Variants in PRRC2B observed in about 807,000 individuals in gnomAD.
PRRC2B encodes the protein protein PRRC2B.
In PRRC2B, 68 loss-of-function variants were observed where a neutral mutation model predicts 242.3. The observed-to-expected ratio is 0.28, with a 90% CI of 0.23 to 0.34. PRRC2B has a LOEUF of 0.34. Ranked by LOEUF, PRRC2B falls within the 10% of genes least tolerant of loss-of-function variation. PRRC2B has a pLI of 1.00. For synonymous variants in PRRC2B, 1,228 were observed against 1,173.6 expected (o/e 1.05, Z -0.95); for missense variants, 2,835 against 2,954.8 (o/e 0.96, Z 0.94).
At chr9:131,385,392 C>T (rs1438054765) in intron 1 of PRRC2B, among the ~76,000 whole-genome samples, 1 of 149,814 alleles carries the variant, frequency 6.7e-6, no homozygotes, top group Non-Finnish European at 1.5e-5. Context: ...TGGGAAATCC[C>T]ACCCAGGAGC....
In PRRC2B at chr9:131,475,416, C is replaced by T. The variant is rs1213103637; in HGVS notation, c.3287C>T (p.Ala1096Val). 1.0e-5 allele frequency: 16 copies of T among 1,576,482 alleles called. No individual in the cohort carries two copies. The highest frequency in any genetic ancestry group is 1.3e-5 in the Non-Finnish European group (15 of 1,162,712). ...SGLCGGGVLG[A>V]RSIYCSSQRS... is the part of the protein sequence containing the mutation. ...CTCTGTGGTGGGGGGGTCCTGGGGGCCCGCAGCATCTACTGCAGCAGTCAG... is the reference window on the plus strand; with the variant it reads ...CTCTGTGGTGGGGGGGTCCTGGGGGTCCGCAGCATCTACTGCAGCAGTCAG... Residue 1096 changes from alanine (A) to valine (V), a missense_variant, in exon 16 of 32, where the codon GCC (alanine) becomes GTC (valine). Ala to Val is a moderately conservative substitution (Grantham distance 64). This residue lies in a region of PRRC2B where 1,536 missense variants were observed against 1,483.1 expected (regional missense o/e 1.04). Transcript: ENST00000683519.
chr9:131,428,039 A>C (rs190765807), intron 1 of PRRC2B, among the ~76,000 whole-genome samples: 20 of 152,212 alleles, frequency 1.3e-4, no homozygotes, highest in African/African-American at 4.6e-4. Context: ...CTTCTGCCTC[A>C]GCCTCCTGAG....
In PRRC2B at chr9:131,436,788, G is replaced by A. The variant is rs1588250064; in HGVS notation, c.396+66G>A. ...GTAGCCCCTAAATCTCTTTGTTGCT[G>A]GGGGATGGAAGGAGTTGCTACTGAG... On this transcript the variant is annotated intron_variant, in intron 4 of 31. Transcript: ENST00000683519. 38 of 1,344,190 alleles carry A rather than the reference G, an allele frequency of 2.8e-5. No homozygotes were observed. In the East Asian group the frequency reaches 8.8e-4, roughly 31 times the overall value. 83.3% of individuals were successfully genotyped at this position (1,344,190 alleles called of 1,614,324 possible). A position where few individuals can be genotyped will look rare whatever the true frequency, so the allele number is the denominator to read the frequency against.
chr9:131,431,829 G>A (rs939110014), intron 2 of PRRC2B, among the ~76,000 whole-genome samples: 1 of 147,330 alleles, frequency 6.8e-6, no homozygotes, highest in Non-Finnish European at 1.5e-5. Flanking sequence ...CTCGTGATCC[G>A]CCCGCCTCGG....
intron 1 of PRRC2B, among the ~76,000 whole-genome samples, chr9:131,421,546 G>A (rs76353126): frequency 0.13 from 19,277 of 152,180 alleles, 1,309 homozygotes; most frequent in African/African-American, 0.15. Flanking sequence ...TCTAGCAGTG[G>A]GATCTTTCCG....
Position 131,478,707 on chromosome 9 carries a change from T to G in PRRC2B, c.4758+88T>G, listed in dbSNP as rs1236719137. 3 of 905,586 alleles carry G rather than the reference T, an allele frequency of 3.3e-6. No individual in the cohort carries two copies. In the Admixed American group the frequency reaches 7.4e-5, roughly 22 times the overall value. 56.1% of individuals were successfully genotyped at this position (905,586 alleles called of 1,614,324 possible). ...CCAGAGCCAGAGGGTAAGGGAGTTC[T>G]CGGTCAAGCTCAAGGTGGCAGAGAG... On this transcript the variant is annotated intron_variant, in intron 18 of 31. Transcript: ENST00000683519.
chr9:131,492,981 G>A (rs72772642), intron 30 of PRRC2B, among the ~76,000 whole-genome samples: 1,527 of 152,312 alleles, frequency 0.01, 24 homozygotes, highest in Non-Finnish European at 0.013. Flanking sequence ...GAGTGAAACA[G>A]ACCTGCCTGA....
In PRRC2B at chr9:131,412,903, C is replaced by T. The variant is rs150459124; in HGVS notation, c.-51-17191C>T. Among the ~76,000 whole-genome samples the T allele has an allele frequency of 5.0e-3, 764 of 151,478 alleles. 3 individuals carry two copies. Among genetic ancestry groups the T allele is most frequent in the African/African-American group, 0.018 (725 of 41,232 alleles). On this transcript the variant is annotated intron_variant, in intron 1 of 31. Transcript: ENST00000683519. ...AAAACTCCTGGGCTCAGGAGATCCT[C>T]CAGCCTCAGCCTCCCGAGTAGCTGG...
intron 1 of PRRC2B, among the ~76,000 whole-genome samples, chr9:131,396,325 C>CTTTTTTTTT (rs1165485887): frequency 4.5e-5 from 6 of 132,944 alleles, no homozygotes; most frequent in African/African-American, 1.2e-4. Context: ...CTTTTCTTTT[C>CTTTTTTTTT]TTTTTTTTTT....
rs375476024 is a variant in PRRC2B, at chr9:131,479,412, A to G, written c.4900+19A>G. The stretch of plus-strand genomic sequence containing the variant: ...AGCCAGGGTGAGAGTTGGGGGTGTG[A>G]CCCCAGCTGTGGCACCCAAGGTCAC... On this transcript the variant is annotated intron_variant, in intron 19 of 31. Transcript: ENST00000683519. 6.2e-6 allele frequency: 10 copies of G among 1,609,350 alleles called. No homozygotes were observed. Among genetic ancestry groups the G allele is most frequent in the Non-Finnish European group, 7.6e-6 (9 of 1,178,082 alleles).
upstream of PRRC2B, among the ~76,000 whole-genome samples, chr9:131,393,161 G>A (rs59460505): frequency 0.1 from 15,366 of 152,108 alleles, 995 homozygotes; most frequent in African/African-American, 0.18. Context: ...TCTCACCTGT[G>A]AATTAGAACA....
intron 1 of PRRC2B, among the ~76,000 whole-genome samples, chr9:131,396,036 C>T (rs1429933051): frequency 1.3e-5 from 2 of 152,188 alleles, no homozygotes; most frequent in African/African-American, 4.8e-5. Context: ...GATTCTGGTC[C>T]TCATCGGGTT....
chr9:131,393,061 C>A (rs1201278598), upstream of PRRC2B, among the ~76,000 whole-genome samples: 1 of 152,144 alleles, frequency 6.6e-6, no homozygotes, highest in African/African-American at 2.4e-5. Context: ...TGTTCACCAG[C>A]CTCAGTTCTG....
chr9:131,397,061 G>A (rs1837080881), intron 1 of PRRC2B, among the ~76,000 whole-genome samples: 1 of 152,194 alleles, frequency 6.6e-6, no homozygotes, highest in African/African-American at 2.4e-5. Flanking sequence ...AGATATTTTA[G>A]CAGGGTCCTG....
upstream of PRRC2B, among the ~76,000 whole-genome samples, chr9:131,390,781 CTTTT>C (rs57100225): frequency 5.4e-5 from 2 of 36,942 alleles, no homozygotes. Flanking sequence ...TGTGCCCTAG[CTTTT>C]TTTTTTTTTT....
chr9:131,379,975 G>T (rs1291221290), intron 1 of PRRC2B, among the ~76,000 whole-genome samples: 2 of 144,396 alleles, frequency 1.4e-5, no homozygotes, highest in Non-Finnish European at 3.0e-5. Flanking sequence ...AGTTGTAAGA[G>T]TTATTTATAT....
chr9:131,394,919 A>G lies in PRRC2B; in HGVS notation c.-52+656A>G, dbSNP rs542528451. Among the ~76,000 whole-genome samples, 10 of 150,046 alleles carry G rather than the reference A, an allele frequency of 6.7e-5. No individual in the cohort carries two copies. The Middle Eastern group carries it at 0.014, about 211-fold the overall frequency. On this transcript the variant is annotated intron_variant, in intron 1 of 31. Transcript: ENST00000683519. ...GAATGCTCCATGCTAAAAATGTTTA[A>G]TAATAAACAGGATGTCGCCACTCGG... is the stretch of plus-strand genomic sequence containing the variant.
intron 12 of PRRC2B, among the ~76,000 whole-genome samples, chr9:131,465,647 C>G (rs1297130072): frequency 2.6e-5 from 4 of 152,202 alleles, no homozygotes; most frequent in Non-Finnish European, 5.9e-5. Flanking sequence ...ACCACAGATC[C>G]TTTAACATGG....
rs978306330 is a variant in PRRC2B, at chr9:131,473,621, C to A, written c.2221C>A (p.Pro741Thr). 4 of 1,613,564 alleles carry A rather than the reference C, an allele frequency of 2.5e-6. No homozygotes were observed. The African/African-American group carries it at 4.0e-5, about 16-fold the overall frequency. The change falls in exon 15 of 32, where the codon CCC becomes ACC. Residue 741 changes from proline to threonine, a missense_variant. Pro to Thr is a conservative substitution (Grantham distance 38, BLOSUM62 -1). Transcript: ENST00000683519. The part of the protein sequence containing the change: ...QERKVTPIDS[P>T]PVWSPEGYMA... The stretch of plus-strand genomic sequence containing the variant: ...AAGAAAAGTGACCCCCATCGACTCA[C>A]CCCCTGTGTGGAGCCCAGAGGGCTA...
Sources: gnomAD v4.1 joint callset for allele counts (sites outside exome capture counted in the v4.1 genomes callset) on GRCh38, gnomAD v4.1.1 for gene constraint, gnomAD v4.1.1 regional missense constraint, MANE v1.5 for transcripts, NCBI Gene and HGNC (gene_info 2026-07-23, HGNC 2026-07-21) for gene names.